The following ATP6V0D2 variants were observed in gnomAD, a reference collection of about 807,000 sequenced individuals.
ATP6V0D2 encodes ATPase H+ transporting V0 subunit d2.
In ATP6V0D2, 40 loss-of-function variants were observed where a neutral mutation model predicts 40.0. The observed-to-expected ratio is 1.00, with a 90% CI of 0.78 to 1.30. ATP6V0D2 has a LOEUF of 1.30. Among genes scored for constraint, ATP6V0D2 ranks in the 50% most tolerant of loss-of-function variants. The probability of loss-of-function intolerance (pLI) is 0.00; values close to 1 mark genes in which losing one functional copy is unlikely to be tolerated. For synonymous variants in ATP6V0D2, 179 were observed against 156.3 expected (o/e 1.15, Z -1.08); for missense variants, 470 against 423.1 (o/e 1.11, Z -0.97).
At chr8:86,121,782 C>T (rs1365082971) in intron 2 of ATP6V0D2, among the ~76,000 whole-genome samples, 1 of 152,172 alleles carries the variant, frequency 6.6e-6, no homozygotes, top group Non-Finnish European at 1.5e-5. Flanking sequence ...GAAATTCCAT[C>T]AAATGAAGTA....
intron 2 of ATP6V0D2, among the ~76,000 whole-genome samples, chr8:86,132,837 A>T (rs1317242768): frequency 6.6e-6 from 1 of 152,124 alleles, no homozygotes; most frequent in Admixed American, 6.6e-5. Flanking sequence ...TTTAGTATAG[A>T]TACCCAGTAG....
intron 2 of ATP6V0D2, among the ~76,000 whole-genome samples, chr8:86,123,700 A>G (rs1206066525): frequency 6.6e-6 from 1 of 152,178 alleles, no homozygotes; most frequent in East Asian, 1.9e-4. Flanking sequence ...AGATAAGTGG[A>G]TTTTATTTTT....
At chr8:86,149,612 G>T (rs1352366269) in intron 5 of ATP6V0D2, among the ~76,000 whole-genome samples, 1 of 152,092 alleles carries the variant, frequency 6.6e-6, no homozygotes, top group Non-Finnish European at 1.5e-5. Context: ...GTAAACAAAT[G>T]GTAGGTAGCA....
In ATP6V0D2 at chr8:86,115,781, T is replaced by G. The variant is rs1021092013; in HGVS notation, c.302+1901T>G. Among the ~76,000 whole-genome samples the G allele has an allele frequency of 5.3e-5, 8 of 152,174 alleles. No homozygotes were observed. The East Asian group carries it at 1.5e-3, about 29-fold the overall frequency. On this transcript the variant is annotated intron_variant, in intron 2 of 7. Coordinates refer to ENST00000285393, the MANE Select transcript of ATP6V0D2 (RefSeq NM_152565.1). ...ATATACTTGCTGAGCTGAACAAAGT[T>G]AAGTGGACCTTAACTTCTACACATG...
intron 2 of ATP6V0D2, among the ~76,000 whole-genome samples, chr8:86,123,499 C>T (rs939313785): frequency 2.0e-5 from 3 of 152,004 alleles, no homozygotes; most frequent in African/African-American, 4.8e-5. Context: ...AGCAGAGAAA[C>T]AATAGAGGAA....
chr8:86,116,190 T>C (rs142473196), intron 2 of ATP6V0D2, among the ~76,000 whole-genome samples: 2,551 of 152,308 alleles, frequency 0.017, 62 homozygotes, highest in African/African-American at 0.051. Flanking sequence ...ACTCAGTTTC[T>C]CTTCCAAAAG....
intron 1 of ATP6V0D2, among the ~76,000 whole-genome samples, chr8:86,109,572 G>C (rs1423988627): frequency 6.6e-6 from 1 of 152,122 alleles, no homozygotes; most frequent in Non-Finnish European, 1.5e-5. Flanking sequence ...AGGTTTGAAA[G>C]TTATTTAGCT....
At chr8:86,129,982 G>GAAA (rs869058078) in intron 2 of ATP6V0D2, among the ~76,000 whole-genome samples, 18,855 of 92,644 alleles carry the variant, frequency 0.2, 1,371 homozygotes, top group Non-Finnish European at 0.23. Flanking sequence ...GTCTCGAAAA[G>GAAA]AAAAAAAAAA....
At chr8:86,113,010 A>G (rs2130237809) in intron 1 of ATP6V0D2, among the ~76,000 whole-genome samples, 1 of 152,220 alleles carries the variant, frequency 6.6e-6, no homozygotes, top group Admixed American at 6.5e-5. Flanking sequence ...GGTAGCTACT[A>G]CTAATACATT....
chr8:86,132,945 T>C (rs1360769916), intron 2 of ATP6V0D2, among the ~76,000 whole-genome samples: 1 of 152,204 alleles, frequency 6.6e-6, no homozygotes, highest in Non-Finnish European at 1.5e-5. Flanking sequence ...TTTCTACCAA[T>C]GGTGTATAAG....
At chr8:86,104,689 A>G (rs550741441) in intron 1 of ATP6V0D2, among the ~76,000 whole-genome samples, 1 of 151,974 alleles carries the variant, frequency 6.6e-6, no homozygotes, top group Non-Finnish European at 1.5e-5. Context: ...CCATATATAC[A>G]CCTATTACTT....
Position 86,098,944 on chromosome 8 carries a change from T to A in ATP6V0D2, c.-35T>A. 3.1e-6 allele frequency: 5 copies of A among 1,608,102 alleles called. No homozygotes were observed. The highest frequency in any genetic ancestry group is 4.2e-6 in the Non-Finnish European group (5 of 1,177,464). ...CAGGGGCCGTCCAGGACTACAGAGCTGTTTCACCCTACCTTGGCTTCAATC... is the reference window on the plus strand; with the variant it reads ...CAGGGGCCGTCCAGGACTACAGAGCAGTTTCACCCTACCTTGGCTTCAATC... On this transcript the variant is annotated 5_prime_UTR_variant, in exon 1 of 8. Coordinates refer to ENST00000285393, the MANE Select transcript of ATP6V0D2 (RefSeq NM_152565.1).
At chr8:86,133,883 A>AT (rs1276570248) in intron 2 of ATP6V0D2, among the ~76,000 whole-genome samples, 1 of 152,160 alleles carries the variant, frequency 6.6e-6, no homozygotes, top group Admixed American at 6.5e-5. Flanking sequence ...GGAGAAAAAA[A>AT]GAAAGGTTGA....
intron 5 of ATP6V0D2, among the ~76,000 whole-genome samples, chr8:86,147,872 AG>A (rs1819092417): frequency 6.6e-6 from 1 of 152,176 alleles, no homozygotes; most frequent in African/African-American, 2.4e-5. Context: ...GGAGGTAGCG[AG>A]AAGATGGAGG....
chr8:86,129,742 G>T (rs1412917740), intron 2 of ATP6V0D2, among the ~76,000 whole-genome samples: 2 of 151,740 alleles, frequency 1.3e-5, no homozygotes, highest in Non-Finnish European at 2.9e-5. Context: ...GGCAGAGGTT[G>T]CAGTGAGCCG....
chr8:86,121,644 G>A (rs1002971443), intron 2 of ATP6V0D2, among the ~76,000 whole-genome samples: 7 of 151,724 alleles, frequency 4.6e-5, no homozygotes, highest in African/African-American at 1.7e-4. Flanking sequence ...AAAAGGAGAA[G>A]GAGAAGGAGA....
chr8:86,131,206 G>T (rs1818821434), intron 2 of ATP6V0D2, among the ~76,000 whole-genome samples: 1 of 151,570 alleles, frequency 6.6e-6, no homozygotes, highest in Non-Finnish European at 1.5e-5. Flanking sequence ...TTTATTTTGT[G>T]TGGGAGGTGG....
At chr8:86,124,925 T>C (rs889284997) in intron 2 of ATP6V0D2, among the ~76,000 whole-genome samples, 2 of 152,108 alleles carry the variant, frequency 1.3e-5, no homozygotes, top group Admixed American at 1.3e-4. Context: ...GCTCAAAAAA[T>C]GTAGCTAATT....
intron 2 of ATP6V0D2, among the ~76,000 whole-genome samples, chr8:86,126,302 AGGATGTG>A (rs1317360824): frequency 1.3e-4 from 18 of 140,800 alleles, no homozygotes; most frequent in African/African-American, 4.3e-4. Context: ...GTACATGTGC[AGGATGTG>A]CAGGTTTGTT....
Sources: allele counts gnomAD v4.1 joint callset (sites outside exome capture counted in the v4.1 genomes callset), GRCh38; gene constraint gnomAD v4.1.1; transcripts MANE v1.5; gene names NCBI Gene and HGNC (gene_info 2026-07-23, HGNC 2026-07-21).